Variants in ARID3A observed in about 807,000 individuals in gnomAD.
ARID3A encodes AT-rich interactive domain-containing protein 3A.
ARID3A carries 11 observed loss-of-function variants against 52.7 expected under a neutral mutation model. The ratio of observed to expected loss-of-function variants is 0.21; its 90% CI spans 0.13 to 0.35. ARID3A has a LOEUF of 0.35. ARID3A is among the 10% of genes least tolerant of loss of function. The pLI is 1.00. For synonymous variants in ARID3A, 404 were observed against 359.4 expected (o/e 1.12, Z -1.40); for missense variants, 721 against 838.5 (o/e 0.86, Z 1.73).
At chr19:943,044 G>A (rs541314524) in intron 3 of ARID3A, among the ~76,000 whole-genome samples, 2 of 152,274 alleles carry the variant, frequency 1.3e-5, no homozygotes, top group African/African-American at 2.4e-5. Context: ...CAAGACGGGA[G>A]TTTCGCTTGA....
At position 960,543 on chromosome 19, in the gene ARID3A, C is replaced by T. The variant is rs181941387; in HGVS notation, c.766+379C>T. Among the ~76,000 whole-genome samples, 502 of 152,154 alleles carry T rather than the reference C, an allele frequency of 3.3e-3. No homozygotes were observed. The highest frequency in any genetic ancestry group is 0.017 in the South Asian group (80 of 4,822). ...TGTGTTTAGGGAGTGGGGTCAGATT[C>T]GGGCTGGCCAGGTGGGTGCAGGTGC... On this transcript the variant is annotated intron_variant, in intron 4 of 8. Transcript: ENST00000263620. The surrounding 1 kb of genome is among the most constrained non-coding windows in gnomAD (Gnocchi z 4.3).
rs1383961918 is a variant in ARID3A at position 975,570 on chromosome 19, C to T, written c.*3505C>T. ...AGTTTGTCAGACGGCGTGGGAACCA[C>T]GCCTGAAACTCAGGTAATAGGAGGA... is the stretch of plus-strand genomic sequence containing the variant. On this transcript the variant is annotated 3_prime_UTR_variant, in exon 9 of 9. Coordinates refer to ENST00000263620, the MANE Select transcript of ARID3A (RefSeq NM_005224.3). The T allele has an allele frequency of 2.9e-5, 6 of 209,802 alleles. No individual in the cohort carries two copies. The highest frequency in any genetic ancestry group is 9.2e-5 in the African/African-American group (4 of 43,580). 13.0% of individuals were successfully genotyped at this position (209,802 alleles called of 1,614,324 possible).
chr19:930,721 A>G (rs145848515), intron 2 of ARID3A, among the ~76,000 whole-genome samples: 44,737 of 149,806 alleles, frequency 0.3, 7,036 homozygotes, highest in East Asian at 0.56. Flanking sequence ...ATGTTAGCCA[A>G]GATGGTCTCG....
intron 3 of ARID3A, among the ~76,000 whole-genome samples, chr19:935,852 G>A (rs1410546679): frequency 7.2e-5 from 11 of 152,128 alleles, no homozygotes; most frequent in Admixed American, 1.3e-4. Flanking sequence ...GTACAGTGGC[G>A]CGATCGCGGC....
chr19:965,328 C>CA, intron 6 of ARID3A: 1 of 501,920 alleles, frequency 2.0e-6, no homozygotes, highest in Non-Finnish European at 3.6e-6. Flanking sequence ...GTCCTGTGGC[C>CA]AAGGCAGACA....
chr19:968,707 G>A (rs2038215993), intron 8 of ARID3A: 1 of 525,892 alleles, frequency 1.9e-6, no homozygotes, highest in South Asian at 2.4e-5. Flanking sequence ...GCCCAGAGGG[G>A]GTCGTCCACA....
chr19:937,410 C>T (rs1483187384), intron 3 of ARID3A, among the ~76,000 whole-genome samples: 2 of 152,198 alleles, frequency 1.3e-5, no homozygotes, highest in African/African-American at 4.8e-5. Context: ...CTGAGTCATA[C>T]TCCGCTGGAT....
intron 4 of ARID3A, among the ~76,000 whole-genome samples, chr19:963,253 G>T (rs1470043212): frequency 6.6e-6 from 1 of 152,240 alleles, no homozygotes; most frequent in African/African-American, 2.4e-5. Context: ...TGAGTGGGCA[G>T]CAGCTATGGC....
At chr19:968,875 G>A (rs2038219192) in intron 8 of ARID3A, 1 of 162,168 alleles carries the variant, frequency 6.2e-6, no homozygotes, top group Non-Finnish European at 1.4e-5. Context: ...GACCGGTCTT[G>A]AACTCTGGGC....
intron 3 of ARID3A, among the ~76,000 whole-genome samples, chr19:936,099 A>AT (rs2145367667): frequency 6.6e-6 from 1 of 152,240 alleles, no homozygotes; most frequent in South Asian, 2.1e-4. Flanking sequence ...CCGTGATGGG[A>AT]TTTTACACGC....
Position 930,369 on chromosome 19 carries a change from T to C in ARID3A, c.368+473T>C, listed in dbSNP as rs370213651. 3.6e-4 allele frequency among the ~76,000 whole-genome samples: 54 copies of C among 151,002 alleles called. 1 individual carries two copies. The East Asian group carries it at 0.01, about 29-fold the overall frequency. ...GAGCTCAAGACCAGCCCGGCCAACA[T>C]GGCGAAACCCCATCTCTACTAAAAA... On this transcript the variant is annotated intron_variant, in intron 2 of 8. Coordinates refer to ENST00000263620, the MANE Select transcript of ARID3A (RefSeq NM_005224.3).
At chr19:963,045 T>A (rs1011976708) in intron 4 of ARID3A, among the ~76,000 whole-genome samples, 1 of 152,150 alleles carries the variant, frequency 6.6e-6, no homozygotes, top group Non-Finnish European at 1.5e-5. Context: ...GGGAAGGGCC[T>A]GGAAGTGGCG....
At chr19:931,539 G>A (rs549002308) in intron 2 of ARID3A, among the ~76,000 whole-genome samples, 10 of 152,206 alleles carry the variant, frequency 6.6e-5, no homozygotes, top group Admixed American at 5.9e-4. Context: ...ATGGCTGGGC[G>A]TGGTGGCTCA....
rs1324184222 is a variant in ARID3A at position 974,137 on chromosome 19, C to G, written c.*2072C>G. 1 of 225,984 alleles carries G rather than the reference C, an allele frequency of 4.4e-6. No homozygotes were observed. The highest frequency in any genetic ancestry group is 8.8e-6 in the Non-Finnish European group (1 of 113,624). 14.0% of individuals were successfully genotyped at this position (225,984 alleles called of 1,614,324 possible). ...CACCTCCCCATTGCCTTGGAGACCCCTGGGGAGGGGGCTGGGGGGCTTCTG... is the reference window on the plus strand; with the variant it reads ...CACCTCCCCATTGCCTTGGAGACCCGTGGGGAGGGGGCTGGGGGGCTTCTG... On this transcript the variant is annotated 3_prime_UTR_variant, in exon 9 of 9. Transcript: ENST00000263620.
rs561602701 is a variant in ARID3A at position 941,117 on chromosome 19, C to T, written c.693+8375C>T. On this transcript the variant is annotated intron_variant, in intron 3 of 8. Transcript: ENST00000263620. The surrounding 1 kb of genome is among the most constrained non-coding windows in gnomAD (Gnocchi z 6.9). ...TCCCACCCTGGTGGCTGCTGCCAAG[C>T]GCCGGCCCCGCCCCATGCTTTCTAA... Among the ~76,000 whole-genome samples, 53 of 152,294 alleles carry T rather than the reference C, an allele frequency of 3.5e-4. No individual in the cohort carries two copies. The highest frequency in any genetic ancestry group is 8.9e-4 in the African/African-American group (37 of 41,572).
intron 3 of ARID3A, among the ~76,000 whole-genome samples, chr19:958,716 G>A (rs868047338): frequency 1.1e-4 from 17 of 151,834 alleles, no homozygotes; most frequent in East Asian, 7.8e-4. Flanking sequence ...ACACGGTGAA[G>A]CCCCGTCTCT....
chr19:974,659 G>C lies in ARID3A; in HGVS notation c.*2594G>C. Reference sequence around the variant, plus strand: ...GCATCTGGCGGCCCTGGACCCCTGGGGCCCCCGTGCACCTGCCCACCTCGG... The same window carrying C: ...GCATCTGGCGGCCCTGGACCCCTGGCGCCCCCGTGCACCTGCCCACCTCGG... On this transcript the variant is annotated 3_prime_UTR_variant, in exon 9 of 9. Coordinates refer to ENST00000263620, the MANE Select transcript of ARID3A (RefSeq NM_005224.3). 4.3e-6 allele frequency: 1 copy of C among 230,508 alleles called. No homozygotes were observed. The highest frequency in any genetic ancestry group is 8.6e-6 in the Non-Finnish European group (1 of 116,406). 14.3% of individuals were successfully genotyped at this position (230,508 alleles called of 1,614,324 possible). A position where few individuals can be genotyped will look rare whatever the true frequency, so the allele number is the denominator to read the frequency against.
Position 929,706 on chromosome 19 carries a change from G to A in ARID3A, c.178G>A (p.Ala60Thr). 6.4e-7 allele frequency: 1 copy of A among 1,564,734 alleles called. No homozygotes were observed. Among genetic ancestry groups the A allele is most frequent in the Non-Finnish European group, 8.6e-7 (1 of 1,163,548 alleles). ...TGCCCGGATGCAGCGGGCTCAGATG[G>A]CCGCACTGGCAGCCATGCGGGCTGC... ...ESARMQRAQM[A>T]ALAAMRAAAA... Residue 60 changes from alanine (A) to threonine (T), a missense_variant, in exon 2 of 9, where the codon GCC (alanine) becomes ACC (threonine). Transcript: ENST00000263620. The surrounding 1 kb of genome is among the most constrained non-coding windows in gnomAD (Gnocchi z 6.2).
chr19:951,614 G>C (rs1328902801), intron 3 of ARID3A, among the ~76,000 whole-genome samples: 1 of 152,136 alleles, frequency 6.6e-6, no homozygotes, highest in Non-Finnish European at 1.5e-5. Context: ...GGCTGGTCTG[G>C]GTGGGCCTGG....
Sources: gnomAD v4.1 joint callset for allele counts (sites outside exome capture counted in the v4.1 genomes callset) on GRCh38, gnomAD v4.1.1 for gene constraint, Gnocchi (gnomAD v3.1) non-coding constraint, MANE v1.5 for transcripts, NCBI Gene and HGNC (gene_info 2026-07-23, HGNC 2026-07-21) for gene names.